Variants in RNLS observed in about 807,000 individuals in gnomAD.
RNLS encodes the protein renalase, FAD dependent amine oxidase.
RNLS carries 39 observed loss-of-function variants against 39.8 expected under a neutral mutation model. The observed-to-expected ratio is 0.98, with a 90% CI of 0.76 to 1.28. The LOEUF is 1.28. Ranked by LOEUF, RNLS falls within the 50% of genes most tolerant of loss-of-function variation. The pLI is 0.00. For missense variants in RNLS, 410 were observed against 413.3 expected (o/e 0.99, Z 0.07); for synonymous variants, 147 against 150.7 (o/e 0.98, Z 0.18).
chr10:88,252,901 A>G, the RNLS span, among the ~76,000 whole-genome samples: 9 of 152,184 alleles, frequency 5.9e-5, no homozygotes, highest in Non-Finnish European at 1.2e-4. Context: ...GGCTCTGGAT[A>G]AACACTGCTG....
At chr10:88,477,021 T>C (rs1843859581) in intron 4 of RNLS, among the ~76,000 whole-genome samples, 1 of 152,192 alleles carries the variant, frequency 6.6e-6, no homozygotes. Flanking sequence ...GGCCTTTTTT[T>C]TTCAAGCAGT....
intron 4 of RNLS, among the ~76,000 whole-genome samples, chr10:88,496,137 T>G (rs1260563359): frequency 2.6e-5 from 4 of 152,038 alleles, no homozygotes; most frequent in Non-Finnish European, 5.9e-5. Context: ...AGAAAAACAC[T>G]TGTAAGGGAA....
chr10:88,265,664 G>A, the RNLS span, among the ~76,000 whole-genome samples: 1 of 152,142 alleles, frequency 6.6e-6, no homozygotes, highest in African/African-American at 2.4e-5. Flanking sequence ...GTCGCTGTTG[G>A]TGTATAGCAG....
At chr10:88,380,775 T>G (rs907653230) in intron 4 of RNLS, among the ~76,000 whole-genome samples, 5 of 152,202 alleles carry the variant, frequency 3.3e-5, no homozygotes, top group African/African-American at 1.2e-4. Context: ...CCTTTTCTTA[T>G]TCATCATAAG....
chr10:88,515,864 G>A (rs999851872), intron 4 of RNLS, among the ~76,000 whole-genome samples: 1 of 152,028 alleles, frequency 6.6e-6, no homozygotes, highest in African/African-American at 2.4e-5. Flanking sequence ...AACCCCTGGT[G>A]TCTCAGAATG....
intron 4 of RNLS, among the ~76,000 whole-genome samples, chr10:88,415,815 T>C (rs1461653010): frequency 1.3e-5 from 2 of 152,230 alleles, no homozygotes; most frequent in Non-Finnish European, 2.9e-5. Context: ...CACAGCACTC[T>C]AGTGCCATGC....
intron 4 of RNLS, among the ~76,000 whole-genome samples, chr10:88,413,122 T>C (rs1564779348): frequency 6.6e-6 from 1 of 152,080 alleles, no homozygotes; most frequent in Non-Finnish European, 1.5e-5. Context: ...AGGTGGAGGG[T>C]TGAGACAAAG....
chr10:88,239,740 A>C, the RNLS span, among the ~76,000 whole-genome samples: 1 of 152,192 alleles, frequency 6.6e-6, no homozygotes, highest in Non-Finnish European at 1.5e-5. Context: ...TAAAATGGTA[A>C]TTTGGTTTGG....
Position 88,413,207 on chromosome 10 carries a change from C to T in RNLS, c.527-50482G>A, listed in dbSNP as rs918993295. Among the ~76,000 whole-genome samples, 5 of 152,124 alleles carry T rather than the reference C, an allele frequency of 3.3e-5. No homozygotes were observed. In the East Asian group the frequency reaches 7.7e-4, roughly 23 times the overall value. ...TTCTGCTCTAGTAGTAAATGTCTTT[C>T]TTTCTTTGATCTTTTCTTATGCTCT... On this transcript the variant is annotated intron_variant, in intron 4 of 6. Coordinates refer to ENST00000331772, the MANE Select transcript of RNLS (RefSeq NM_001031709.3).
chr10:88,172,510 T>G, the RNLS span, among the ~76,000 whole-genome samples: 3 of 152,186 alleles, frequency 2.0e-5, no homozygotes, highest in Admixed American at 6.5e-5. Context: ...CCTTTCTCCA[T>G]TTTTAGACTG....
chr10:88,498,778 A>T (rs1845311994), intron 4 of RNLS, among the ~76,000 whole-genome samples: 1 of 152,012 alleles, frequency 6.6e-6, no homozygotes, highest in Non-Finnish European at 1.5e-5. Context: ...GTATATACGT[A>T]GAGAGATTGA....
chr10:88,235,582 A>G, the RNLS span, among the ~76,000 whole-genome samples: 1 of 152,288 alleles, frequency 6.6e-6, no homozygotes, highest in African/African-American at 2.4e-5. Context: ...GGTCAAGTCA[A>G]TTTATACAAC....
chr10:88,488,554 A>G (rs1161912603), intron 4 of RNLS, among the ~76,000 whole-genome samples: 1 of 151,806 alleles, frequency 6.6e-6, no homozygotes, highest in Non-Finnish European at 1.5e-5. Context: ...CTCAAAAAAA[A>G]AAAAAAAAAA....
At chr10:88,558,138 T>A (rs1057095477) in intron 4 of RNLS, among the ~76,000 whole-genome samples, 1 of 152,112 alleles carries the variant, frequency 6.6e-6, no homozygotes, top group African/African-American at 2.4e-5. Flanking sequence ...TGCGTTTATA[T>A]CAAGCATGGA....
chr10:88,191,976 A>G, the RNLS span, among the ~76,000 whole-genome samples: 2 of 151,566 alleles, frequency 1.3e-5, no homozygotes, highest in Non-Finnish European at 1.5e-5. Flanking sequence ...CTCTTCTTCT[A>G]TACCTTTGTC....
intron 4 of RNLS, among the ~76,000 whole-genome samples, chr10:88,520,209 GCCTATCTC>G (rs1846644085): frequency 6.6e-6 from 1 of 151,914 alleles, no homozygotes; most frequent in Admixed American, 6.6e-5. Flanking sequence ...GTTCTTTCCT[GCCTATCTC>G]CCTATAAGAG....
intron 4 of RNLS, among the ~76,000 whole-genome samples, chr10:88,546,076 G>A (rs1439424063): frequency 6.6e-6 from 1 of 152,012 alleles, no homozygotes; most frequent in Non-Finnish European, 1.5e-5. Flanking sequence ...GACAAGTACA[G>A]TGCCATTAAG....
At chr10:88,387,489 G>A (rs934521953) in intron 4 of RNLS, among the ~76,000 whole-genome samples, 1 of 116,374 alleles carries the variant, frequency 8.6e-6, no homozygotes, top group Non-Finnish European at 1.7e-5. Context: ...GAAGAAAAGC[G>A]AGGAGAACAG....
chr10:88,493,054 T>C (rs1426948275), intron 4 of RNLS, among the ~76,000 whole-genome samples: 1 of 152,154 alleles, frequency 6.6e-6, no homozygotes, highest in Non-Finnish European at 1.5e-5. Flanking sequence ...ACTACTAATC[T>C]TTTTCGGTTA....
Sources: allele counts gnomAD v4.1 joint callset (sites outside exome capture counted in the v4.1 genomes callset), GRCh38; gene constraint gnomAD v4.1.1; transcripts MANE v1.5; gene names NCBI Gene and HGNC (gene_info 2026-07-23, HGNC 2026-07-21).